The following TPO variants were observed in gnomAD, a reference collection of about 807,000 sequenced individuals.
The protein encoded by TPO is thyroid microsomal antigen.
In TPO, 78 loss-of-function variants were observed where a neutral mutation model predicts 96.9. The ratio of observed to expected loss-of-function variants is 0.81; its 90% CI spans 0.67 to 0.97. TPO has a LOEUF of 0.97. Among genes scored for constraint, TPO ranks in the 50% least tolerant of loss-of-function variants. The pLI is 0.00. For synonymous variants in TPO, 547 were observed against 538.0 expected (o/e 1.02, Z -0.23); for missense variants, 1,252 against 1,274.8 (o/e 0.98, Z 0.27).
At chr2:1,501,389 G>T (rs1243140501) in intron 13 of TPO, among the ~76,000 whole-genome samples, 1 of 152,200 alleles carries the variant, frequency 6.6e-6, no homozygotes, top group East Asian at 1.9e-4. Flanking sequence ...TCTGTCGGGA[G>T]CGCTGCTCTT....
At chr2:1,448,363 C>A (rs529842805) in intron 5 of TPO, among the ~76,000 whole-genome samples, 1 of 152,220 alleles carries the variant, frequency 6.6e-6, no homozygotes, top group Non-Finnish European at 1.5e-5. Flanking sequence ...CTTCCCTGAG[C>A]CTCTGCCGAG....
rs1183101046 is a variant in TPO, at chr2:1,504,062, A to T, written c.2501A>T (p.Asp834Val). The change falls in exon 14 of 17, where the codon GAT becomes GTT. Residue 834 changes from aspartate to valine, a missense_variant. Asp to Val is a radical substitution (Grantham distance 152, BLOSUM62 -3). Transcript: ENST00000329066. ...GCGGACCCCTACGAGTTAGGAGACG[A>T]TGGGAGAACCTGCGTAGGTGAGGCT... is the stretch of plus-strand genomic sequence containing the variant. The part of the protein sequence containing the change: ...LCADPYELGD[D>V]GRTCVDSGRL... 1.9e-6 allele frequency: 3 copies of T among 1,614,162 alleles called. No individual in the cohort carries two copies. The highest frequency in any genetic ancestry group is 2.5e-6 in the Non-Finnish European group (3 of 1,180,034).
intron 7 of TPO, among the ~76,000 whole-genome samples, chr2:1,461,874 G>A (rs186283048): frequency 1.3e-5 from 2 of 152,276 alleles, no homozygotes; most frequent in Middle Eastern, 3.4e-3. Flanking sequence ...GGGCCGTGGC[G>A]AGGAGCAGGA....
intron 14 of TPO, among the ~76,000 whole-genome samples, chr2:1,509,515 A>C (rs1390834872): frequency 3.0e-4 from 37 of 123,612 alleles, no homozygotes; most frequent in East Asian, 5.3e-4. Flanking sequence ...GGAAACCACA[A>C]CCTCTTGTTT....
chr2:1,421,780 C>T (rs564684852), intron 2 of TPO, among the ~76,000 whole-genome samples: 184 of 152,310 alleles, frequency 1.2e-3, no homozygotes, highest in African/African-American at 4.2e-3. Context: ...GAGGTCCACA[C>T]CTGCCACCGA....
chr2:1,429,510 G>C (rs78137438), intron 3 of TPO, among the ~76,000 whole-genome samples: 1 of 152,188 alleles, frequency 6.6e-6, no homozygotes, highest in Non-Finnish European at 1.5e-5. Context: ...GTAATGGCAG[G>C]GGTTGGAAGA....
At chr2:1,403,439 T>A (rs1662201362) in intron 1 of TPO, among the ~76,000 whole-genome samples, 1 of 152,200 alleles carries the variant, frequency 6.6e-6, no homozygotes, top group African/African-American at 2.4e-5. Context: ...GGTTCAGCTG[T>A]GAGGACACAG....
chr2:1,510,962 T>G (rs1674043929), intron 14 of TPO, among the ~76,000 whole-genome samples: 1 of 152,234 alleles, frequency 6.6e-6, no homozygotes, highest in South Asian at 2.1e-4. Flanking sequence ...TATATAAGTT[T>G]AGACGTAGAT....
chr2:1,500,965 C>T (rs1672814998), intron 13 of TPO, among the ~76,000 whole-genome samples: 1 of 139,516 alleles, frequency 7.2e-6, no homozygotes, highest in Non-Finnish European at 1.6e-5. Flanking sequence ...GAGTGAGACT[C>T]CCTCTCAAAA....
intron 7 of TPO, among the ~76,000 whole-genome samples, chr2:1,459,295 G>A (rs1202633187): frequency 7.2e-5 from 11 of 152,190 alleles, no homozygotes; most frequent in African/African-American, 2.6e-4. Context: ...GGGACTACAG[G>A]CAGGTGCCAC....
At chr2:1,424,800 C>T (rs1158113098) in intron 3 of TPO, among the ~76,000 whole-genome samples, 1 of 151,910 alleles carries the variant, frequency 6.6e-6, no homozygotes, top group African/African-American at 2.4e-5. Flanking sequence ...AGTCCGTGCT[C>T]CTTCTGTAAA....
At position 1,531,231 on chromosome 2, in the gene TPO, G is replaced by A. The variant is rs1234671388; in HGVS notation, c.2619-9363G>A. Among the ~76,000 whole-genome samples the A allele has an allele frequency of 2.3e-4, 23 of 101,376 alleles. 1 individual carries two copies. Among genetic ancestry groups the A allele is most frequent in the African/African-American group, 8.6e-4 (20 of 23,208 alleles). The allele number at this position is 101,376 out of a possible 152,430, so 66.5% of individuals were successfully genotyped here. ...GCAACCACCCCAAATCGCCCCCACT[G>A]TGTGCAACCGCCTCATATTCCCCCC... On this transcript the variant is annotated intron_variant, in intron 15 of 16. Coordinates refer to ENST00000329066, the MANE Select transcript of TPO (RefSeq NM_001206744.2).
intron 15 of TPO, among the ~76,000 whole-genome samples, chr2:1,522,249 C>CT (rs1675372513): frequency 2.1e-5 from 2 of 95,652 alleles, no homozygotes; most frequent in Admixed American, 1.1e-4. Flanking sequence ...CACACCTGCC[C>CT]GCCACCGTGC....
chr2:1,507,400 G>A (rs1673587220), intron 14 of TPO, among the ~76,000 whole-genome samples: 1 of 152,148 alleles, frequency 6.6e-6, no homozygotes. Flanking sequence ...CTTTAAAGTA[G>A]TTTTTTCCAA....
intron 4 of TPO, 41 bp downstream of exon 4, chr2:1,433,648 C>G: frequency 6.3e-7 from 1 of 1,596,486 alleles, no homozygotes; most frequent in Non-Finnish European, 8.5e-7. Context: ...CGGCAACTCC[C>G]GAAGGAGGAC....
At chr2:1,414,065 AT>A (rs1307500601) in intron 1 of TPO, among the ~76,000 whole-genome samples, 3 of 152,292 alleles carry the variant, frequency 2.0e-5, no homozygotes, top group African/African-American at 7.2e-5. Context: ...GATTTTTTTC[AT>A]TCCCAATAAT....
rs76479200 is a variant in TPO, at chr2:1,523,069, A to G, written c.2618+6087A>G. ...CCCCAACTGTGTGCAACCTCACCAA[A>G]TCCCGACACTGTGTGCAACCTCCCC... On this transcript the variant is annotated intron_variant, in intron 15 of 16. Coordinates refer to ENST00000329066, the MANE Select transcript of TPO (RefSeq NM_001206744.2). Among the ~76,000 whole-genome samples the G allele has an allele frequency of 4.6e-4, 64 of 137,888 alleles. 1 individual carries two copies. The highest frequency in any genetic ancestry group is 1.5e-3 in the African/African-American group (54 of 36,146). The allele number at this position is 137,888 out of a possible 152,430, so 90.5% of individuals were successfully genotyped here.
At chr2:1,497,410 G>C (rs28912974) in intron 13 of TPO, among the ~76,000 whole-genome samples, 7,024 of 152,262 alleles carry the variant, frequency 0.046, 566 homozygotes, top group African/African-American at 0.16. Flanking sequence ...CCCGGGGGGA[G>C]AGCCGTGTAC....
intron 15 of TPO, among the ~76,000 whole-genome samples, chr2:1,532,423 C>G (rs1678513710): frequency 7.4e-6 from 1 of 134,270 alleles, no homozygotes; most frequent in Non-Finnish European, 1.6e-5. Context: ...CCCAAATCCC[C>G]CCACTGTGAG....
Sources: gnomAD v4.1 joint callset for allele counts (sites outside exome capture counted in the v4.1 genomes callset) on GRCh38, gnomAD v4.1.1 for gene constraint, MANE v1.5 for transcripts, NCBI Gene and HGNC (gene_info 2026-07-23, HGNC 2026-07-21) for gene names.